The following CPQ variants were observed in gnomAD, a reference collection of about 807,000 sequenced individuals.
CPQ encodes carboxypeptidase Q, also known as Ser-Met dipeptidase.
CPQ carries 37 observed loss-of-function variants against 45.7 expected under a neutral mutation model. The observed-to-expected ratio is 0.81, with a 90% CI of 0.62 to 1.07. The LOEUF is 1.07. Ranked by LOEUF, CPQ falls within the 50% of genes least tolerant of loss-of-function variation. The pLI is 0.00. For missense variants in CPQ, 537 were observed against 572.9 expected (o/e 0.94, Z 0.64); for synonymous variants, 186 against 205.8 (o/e 0.90, Z 0.82).
intron 7 of CPQ, among the ~76,000 whole-genome samples, chr8:97,075,032 T>A (rs185560567): frequency 3.4e-4 from 52 of 152,208 alleles, no homozygotes; most frequent in Middle Eastern, 3.4e-3. Flanking sequence ...AAAGCAGTGT[T>A]TTAGAATGTA....
At chr8:96,938,513 C>A (rs1029696146) in intron 4 of CPQ, among the ~76,000 whole-genome samples, 1 of 152,030 alleles carries the variant, frequency 6.6e-6, no homozygotes, top group Non-Finnish European at 1.5e-5. Flanking sequence ...TGATTATCAA[C>A]CCTAAATCTG....
chr8:97,100,568 T>C lies in CPQ; in HGVS notation c.1255+34358T>C, dbSNP rs560730503. Among the ~76,000 whole-genome samples the C allele has an allele frequency of 2.4e-3, 363 of 152,322 alleles. 2 individuals carry two copies. The highest frequency in any genetic ancestry group is 8.3e-3 in the African/African-American group (345 of 41,572). Reference sequence around the variant, plus strand: ...CTGGTTTTGTGTCCTAGCTTCGTCATTTATTCAATAGCTGAATAAATCACC... The same window carrying C: ...CTGGTTTTGTGTCCTAGCTTCGTCACTTATTCAATAGCTGAATAAATCACC... On this transcript the variant is annotated intron_variant, in intron 7 of 7. Coordinates refer to ENST00000220763, the MANE Select transcript of CPQ (RefSeq NM_016134.4).
intron 5 of CPQ, among the ~76,000 whole-genome samples, chr8:97,000,372 G>C (rs1423058355): frequency 6.6e-6 from 1 of 151,894 alleles, no homozygotes; most frequent in African/African-American, 2.4e-5. Flanking sequence ...TATAGTTTTG[G>C]GTTTTACATT....
At chr8:96,965,549 T>G (rs1042236916) in intron 4 of CPQ, among the ~76,000 whole-genome samples, 50 of 152,002 alleles carry the variant, frequency 3.3e-4, no homozygotes, top group African/African-American at 1.1e-3. Context: ...TTTTGTATTT[T>G]TAGTAGAGAC....
At chr8:97,086,538 A>G (rs1249606955) in intron 7 of CPQ, among the ~76,000 whole-genome samples, 1 of 152,152 alleles carries the variant, frequency 6.6e-6, no homozygotes, top group African/African-American at 2.4e-5. Flanking sequence ...TCTCAGGATT[A>G]TGTTGAAAAC....
chr8:96,966,040 G>C lies in CPQ; in HGVS notation c.955G>C (p.Asp319His). The C allele has an allele frequency of 6.2e-7, 1 of 1,607,870 alleles. No individual in the cohort carries two copies. The highest frequency in any genetic ancestry group is 8.5e-7 in the Non-Finnish European group (1 of 1,176,046). The change falls in exon 5 of 8, where the codon GAT becomes CAT. Residue 319 changes from aspartate to histidine, a missense_variant. By Grantham distance (81) the Asp-to-His change is moderately conservative. Coordinates refer to ENST00000220763, the MANE Select transcript of CPQ (RefSeq NM_016134.4). ...ISWEALSLIK[D>H]LGLRPKRTLR... Reference sequence around the variant, plus strand: ...ATGGGAAGCACTCTCACTTATTAAAGATCTTGGTAAATATTTAGAAAATTG... The same window carrying C: ...ATGGGAAGCACTCTCACTTATTAAACATCTTGGTAAATATTTAGAAAATTG...
intron 2 of CPQ, among the ~76,000 whole-genome samples, chr8:96,800,154 C>A (rs1216385469): frequency 6.6e-6 from 1 of 152,098 alleles, no homozygotes; most frequent in African/African-American, 2.4e-5. Context: ...TACTGGAAAT[C>A]AACATGAAGA....
intron 1 of CPQ, among the ~76,000 whole-genome samples, chr8:96,652,703 G>T (rs969468435): frequency 6.6e-6 from 1 of 152,166 alleles, no homozygotes; most frequent in African/African-American, 2.4e-5. Context: ...CGCCATCTCT[G>T]CTCACTGCAA....
rs770386019 is a variant in CPQ at position 97,143,032 on chromosome 8, TTGA to T, written c.1272_1274del (p.Asp425del). 2 of 1,613,896 alleles carry T rather than the reference TTGA, an allele frequency of 1.2e-6. No homozygotes were observed. Among genetic ancestry groups the T allele is most frequent in the Non-Finnish European group, 8.5e-7 (1 of 1,179,834 alleles). On this transcript the variant is annotated inframe_deletion, in exon 8 of 8. Coordinates refer to ENST00000220763, the MANE Select transcript of CPQ (RefSeq NM_016134.4). ...CTTTTATCCCCAGGAGCCAGTCTAC[TTGA>T]TGACTTATACAAGTATTTCTTCTTC...
At chr8:97,012,643 C>T (rs1180042718) in intron 5 of CPQ, among the ~76,000 whole-genome samples, 1 of 152,122 alleles carries the variant, frequency 6.6e-6, no homozygotes, top group African/African-American at 2.4e-5. Flanking sequence ...AGACAATATT[C>T]CCCTGAGGTT....
At chr8:97,083,739 A>C (rs1207363473) in intron 7 of CPQ, among the ~76,000 whole-genome samples, 1 of 152,164 alleles carries the variant, frequency 6.6e-6, no homozygotes, top group Non-Finnish European at 1.5e-5. Context: ...ACAGAATAGC[A>C]CTTGGACTGA....
chr8:96,785,905 C>T (rs1487325567), intron 2 of CPQ, among the ~76,000 whole-genome samples: 1 of 152,126 alleles, frequency 6.6e-6, no homozygotes, highest in Non-Finnish European at 1.5e-5. Flanking sequence ...ATCAGTTAGC[C>T]TTGAATATAT....
chr8:97,135,800 C>T (rs1812046841), intron 7 of CPQ, among the ~76,000 whole-genome samples: 1 of 152,154 alleles, frequency 6.6e-6, no homozygotes, highest in African/African-American at 2.4e-5. Flanking sequence ...ACCACAGTAG[C>T]CAGTATATGC....
chr8:96,725,337 A>G (rs1182884470), intron 1 of CPQ, among the ~76,000 whole-genome samples: 2 of 152,232 alleles, frequency 1.3e-5, no homozygotes, highest in African/African-American at 4.8e-5. Context: ...TATGTATCCA[A>G]CAAAAGTCTA....
intron 3 of CPQ, among the ~76,000 whole-genome samples, chr8:96,844,017 A>C (rs1167488899): frequency 6.6e-6 from 1 of 152,206 alleles, no homozygotes; most frequent in Non-Finnish European, 1.5e-5. Flanking sequence ...TGTAAAATAT[A>C]TATAAACGTT....
At chr8:97,080,386 C>G (rs899422286) in intron 7 of CPQ, among the ~76,000 whole-genome samples, 2 of 151,998 alleles carry the variant, frequency 1.3e-5, no homozygotes, top group African/African-American at 4.8e-5. Context: ...CTTATAAGAG[C>G]TTTGCTAAAA....
chr8:97,031,342 A>G lies in CPQ; in HGVS notation c.1053+1848A>G, dbSNP rs1448495168. 1.4e-4 allele frequency among the ~76,000 whole-genome samples: 22 copies of G among 151,844 alleles called. No homozygotes were observed. In the East Asian group the frequency reaches 4.1e-3, roughly 28 times the overall value. On this transcript the variant is annotated intron_variant, in intron 6 of 7. Coordinates refer to ENST00000220763, the MANE Select transcript of CPQ (RefSeq NM_016134.4). ...GCTGGGACTCCAGGCGTGTGCCACCACGCCCAGCTAATTTTTTGTACTTTT... is the reference window on the plus strand; with the variant it reads ...GCTGGGACTCCAGGCGTGTGCCACCGCGCCCAGCTAATTTTTTGTACTTTT...
intron 7 of CPQ, among the ~76,000 whole-genome samples, chr8:97,099,369 G>T (rs111646714): frequency 6.6e-6 from 1 of 151,542 alleles, no homozygotes; most frequent in Non-Finnish European, 1.5e-5. Context: ...GACCTCAGGC[G>T]ATCCATCCAC....
chr8:96,788,456 G>A (rs970040374), intron 2 of CPQ, among the ~76,000 whole-genome samples: 4 of 151,956 alleles, frequency 2.6e-5, no homozygotes, highest in African/African-American at 4.8e-5. Flanking sequence ...CACCATGCCC[G>A]GCCTGGACTC....
Sources: gnomAD v4.1 joint callset for allele counts (sites outside exome capture counted in the v4.1 genomes callset) on GRCh38, gnomAD v4.1.1 for gene constraint, MANE v1.5 for transcripts, NCBI Gene and HGNC (gene_info 2026-07-23, HGNC 2026-07-21) for gene names.